The following MALRD1 variants were observed in gnomAD, a reference collection of about 807,000 sequenced individuals.
The protein encoded by MALRD1 is MAM and LDL receptor class A domain containing 1, also known as MAM and LDL-receptor class A domain-containing protein 1.
A neutral mutation model predicts 242.1 loss-of-function variants in MALRD1; 247 were observed. That is an observed-to-expected ratio of 1.02 (90% CI 0.92 to 1.13). The LOEUF (loss-of-function observed/expected upper bound fraction) is 1.13. Among genes scored for constraint, MALRD1 ranks in the 50% most tolerant of loss-of-function variants. The pLI, the probability that MALRD1 is intolerant of heterozygous loss-of-function variation, is 0.00. For synonymous variants in MALRD1, 995 were observed against 866.6 expected (o/e 1.15, Z -2.60); for missense variants, 2,989 against 2,533.1 (o/e 1.18, Z -3.86).
At chr10:19,707,200 T>G (rs1450088221) in intron 38 of MALRD1, among the ~76,000 whole-genome samples, 2 of 151,362 alleles carry the variant, frequency 1.3e-5, no homozygotes, top group Admixed American at 1.3e-4. Flanking sequence ...CTCCTTCTCT[T>G]CCTCCTTCTC....
At chr10:19,382,900 G>C (rs1051636593) in intron 26 of MALRD1, among the ~76,000 whole-genome samples, 1 of 152,106 alleles carries the variant, frequency 6.6e-6, no homozygotes, top group Non-Finnish European at 1.5e-5. Flanking sequence ...TCTTTCTTTA[G>C]TAGATTCTTA....
chr10:19,247,796 C>G (rs977527112), intron 18 of MALRD1, among the ~76,000 whole-genome samples: 19 of 151,828 alleles, frequency 1.3e-4, no homozygotes, highest in Admixed American at 4.6e-4. Flanking sequence ...TTTTAAAGAA[C>G]AAAATGTTAT....
chr10:19,567,480 T>A, intron 32 of MALRD1, 22 bp from the exon 33 acceptor site: 1 of 1,542,746 alleles, frequency 6.5e-7, no homozygotes, highest in Admixed American at 2.0e-5. Context: ...CATAAAAAGT[T>A]ATTTTTTAAT....
chr10:19,505,390 T>C (rs1477829229), intron 31 of MALRD1, among the ~76,000 whole-genome samples: 2 of 152,070 alleles, frequency 1.3e-5, no homozygotes, highest in African/African-American at 4.8e-5. Flanking sequence ...AATAGGACTG[T>C]TGTCCTCATA....
chr10:19,052,364 T>G (rs1056231817), intron 1 of MALRD1, among the ~76,000 whole-genome samples: 1 of 152,226 alleles, frequency 6.6e-6, no homozygotes, highest in African/African-American at 2.4e-5. Flanking sequence ...TTACTTTTTT[T>G]TGTCCATTTG....
At chr10:19,058,260 C>T (rs1834724920) in intron 1 of MALRD1, among the ~76,000 whole-genome samples, 2 of 152,140 alleles carry the variant, frequency 1.3e-5, no homozygotes, top group African/African-American at 4.8e-5. Context: ...CAATACCAAC[C>T]ACCATACCAT....
chr10:19,201,618 A>G (rs1229296158), intron 14 of MALRD1, among the ~76,000 whole-genome samples: 1 of 152,204 alleles, frequency 6.6e-6, no homozygotes, highest in African/African-American at 2.4e-5. Flanking sequence ...TTGAAATGAC[A>G]TCTAGACACT....
chr10:19,480,567 T>A (rs559746454), intron 29 of MALRD1, among the ~76,000 whole-genome samples: 6 of 152,252 alleles, frequency 3.9e-5, no homozygotes, highest in African/African-American at 1.2e-4. Flanking sequence ...AAATCCAGAA[T>A]GGGAGGGGTT....
At chr10:19,217,080 G>GT (rs1314744558) in intron 18 of MALRD1, among the ~76,000 whole-genome samples, 2 of 152,134 alleles carry the variant, frequency 1.3e-5, no homozygotes, top group Admixed American at 1.3e-4. Context: ...ACCATAGCTA[G>GT]TTGCAGTAGG....
chr10:19,444,509 A>C (rs1172657953), intron 28 of MALRD1, among the ~76,000 whole-genome samples: 1 of 152,094 alleles, frequency 6.6e-6, no homozygotes, highest in East Asian at 1.9e-4. Flanking sequence ...CTTGGTGGTG[A>C]CAAAATCTCT....
intron 21 of MALRD1, among the ~76,000 whole-genome samples, chr10:19,306,681 T>C (rs1359347582): frequency 6.6e-6 from 1 of 151,346 alleles, no homozygotes; most frequent in Non-Finnish European, 1.5e-5. Context: ...CAGGACTCAG[T>C]AATTTATACA....
At chr10:19,660,878 A>G (rs1040041500) in intron 36 of MALRD1, among the ~76,000 whole-genome samples, 3 of 152,190 alleles carry the variant, frequency 2.0e-5, no homozygotes, top group Non-Finnish European at 2.9e-5. Flanking sequence ...TTGCATGCAG[A>G]AAGAGGTAGT....
chr10:19,368,393 A>G (rs1448956084), intron 26 of MALRD1, among the ~76,000 whole-genome samples: 1 of 152,010 alleles, frequency 6.6e-6, no homozygotes, highest in Admixed American at 6.6e-5. Flanking sequence ...TCCAGTGTCT[A>G]TTCTTGGTGC....
chr10:19,582,049 G>A (rs1359829172), intron 33 of MALRD1, among the ~76,000 whole-genome samples: 4 of 152,044 alleles, frequency 2.6e-5, no homozygotes, highest in African/African-American at 7.2e-5. Context: ...CATGTCCTTT[G>A]CCCACTTTTT....
intron 33 of MALRD1, among the ~76,000 whole-genome samples, chr10:19,588,947 G>A (rs560029092): frequency 1.1e-3 from 160 of 152,246 alleles, no homozygotes; most frequent in African/African-American, 3.6e-3. Flanking sequence ...CCAGTCTAAA[G>A]CAACATTTCT....
chr10:19,572,808 A>G (rs565868627), intron 33 of MALRD1, among the ~76,000 whole-genome samples: 1 of 152,138 alleles, frequency 6.6e-6, no homozygotes, highest in Non-Finnish European at 1.5e-5. Flanking sequence ...TAACTCATCT[A>G]CAAGCCAGGG....
chr10:19,088,254 A>T, intron 4 of MALRD1, 69 bp downstream of exon 4: 1 of 1,196,044 alleles, frequency 8.4e-7, no homozygotes, highest in South Asian at 4.3e-5. Context: ...ACACCAGGTG[A>T]ACTAAAAGTA....
At chr10:19,240,370 A>G (rs926685987) in intron 18 of MALRD1, among the ~76,000 whole-genome samples, 5 of 151,960 alleles carry the variant, frequency 3.3e-5, no homozygotes, top group Non-Finnish European at 5.9e-5. Flanking sequence ...TATTATTTCT[A>G]GTAGTTTTTG....
intron 21 of MALRD1, among the ~76,000 whole-genome samples, chr10:19,287,116 C>T (rs566478901): frequency 6.6e-6 from 1 of 152,208 alleles, no homozygotes; most frequent in East Asian, 1.9e-4. Flanking sequence ...TGACTGCATG[C>T]ATCTAGTCTA....
Sources: gnomAD v4.1 joint callset for allele counts (sites outside exome capture counted in the v4.1 genomes callset) on GRCh38, gnomAD v4.1.1 for gene constraint, MANE v1.5 for transcripts, NCBI Gene and HGNC (gene_info 2026-07-23, HGNC 2026-07-21) for gene names.